The following CRACR2A variants were observed in gnomAD, a reference collection of about 807,000 sequenced individuals.
The protein encoded by CRACR2A is calcium release activated channel regulator 2A, also known as EF-hand calcium-binding domain-containing protein 4B.
A neutral mutation model predicts 90.5 loss-of-function variants in CRACR2A; 79 were observed. The ratio of observed to expected loss-of-function variants is 0.87; its 90% CI spans 0.73 to 1.05. The LOEUF (loss-of-function observed/expected upper bound fraction) is 1.05. Ranked by LOEUF, CRACR2A falls within the 50% of genes least tolerant of loss-of-function variation. The pLI, the probability that CRACR2A is intolerant of heterozygous loss-of-function variation, is 0.00. For synonymous variants in CRACR2A, 338 were observed against 356.7 expected, an observed-to-expected ratio of 0.95 and a Z score of 0.59; for missense variants, 823 against 897.2, an observed-to-expected ratio of 0.92 and a Z score of 1.06.
chr12:3,623,860 A>T (rs928052592), intron 17 of CRACR2A, among the ~76,000 whole-genome samples: 1 of 152,224 alleles, frequency 6.6e-6, no homozygotes, highest in Non-Finnish European at 1.5e-5. Flanking sequence ...CTCTTGCACC[A>T]AAGGATTTTG....
At chr12:3,665,882 C>T (rs1945125881) in intron 7 of CRACR2A, among the ~76,000 whole-genome samples, 2 of 152,184 alleles carry the variant, frequency 1.3e-5, no homozygotes, top group Admixed American at 6.5e-5. Context: ...AAAATATTTT[C>T]GACTGAAGTT....
rs74055951 is a variant in CRACR2A, at chr12:3,648,455, G to C, written c.1118+87C>G. On this transcript the variant is annotated intron_variant, in intron 11 of 19. Transcript: ENST00000440314. ...CTCAGCAGGCACGTTTTTCCAGCAC[G>C]TAGGCAAGGATGACCCTCAGACTGG... 11 of 1,604,024 alleles carry C rather than the reference G, an allele frequency of 6.9e-6. No homozygotes were observed. The African/African-American group carries it at 1.2e-4, about 18-fold the overall frequency.
chr12:3,723,073 C>T lies in CRACR2A; in HGVS notation c.-117-9756G>A, dbSNP rs150874024. Among the ~76,000 whole-genome samples, 161 of 152,346 alleles carry T rather than the reference C, an allele frequency of 1.1e-3. 2 individuals carry two copies. The highest frequency in any genetic ancestry group is 3.5e-3 in the African/African-American group (145 of 41,580). On this transcript the variant is annotated intron_variant, in intron 2 of 19. Coordinates refer to ENST00000440314, the MANE Select transcript of CRACR2A (RefSeq NM_001144958.2). ...TCCTTAGCATTTATGACCATTGTAA[C>T]TAAACAATTCCTGGTGTAACTAGTG...
At chr12:3,747,051 C>T (rs1946637632) in intron 1 of CRACR2A, among the ~76,000 whole-genome samples, 1 of 152,154 alleles carries the variant, frequency 6.6e-6, no homozygotes, top group African/African-American at 2.4e-5. Flanking sequence ...GAGGCTAATC[C>T]CAAAGACATA....
At chr12:3,683,532 T>C (rs1945494529) in intron 4 of CRACR2A, among the ~76,000 whole-genome samples, 1 of 152,204 alleles carries the variant, frequency 6.6e-6, no homozygotes, top group South Asian at 2.1e-4. Context: ...TCACTCTTTC[T>C]TCACTCTCAG....
At chr12:3,638,063 CA>C (rs1177806948) in intron 14 of CRACR2A, 60 bp downstream of exon 14, 26 of 1,458,756 alleles carry the variant, frequency 1.8e-5, no homozygotes, top group Non-Finnish European at 2.2e-5. Flanking sequence ...CGCTTGGCCT[CA>C]AATGCAAGAG....
chr12:3,646,749 G>A (rs1360480771), intron 11 of CRACR2A, among the ~76,000 whole-genome samples: 1 of 152,192 alleles, frequency 6.6e-6, no homozygotes, highest in Non-Finnish European at 1.5e-5. Context: ...GGGAGACCTG[G>A]AAAGTCCCAC....
At chr12:3,713,121 C>A (rs1444257044) in intron 3 of CRACR2A, 116 bp downstream of exon 3, 2 of 322,002 alleles carry the variant, frequency 6.2e-6, no homozygotes, top group African/African-American at 4.5e-5. Context: ...TGCTGATCCT[C>A]ATGAATATTA....
rs548626753 is a variant in CRACR2A at position 3,618,707 on chromosome 12, C to G, written c.2034+564G>C. Among the ~76,000 whole-genome samples the G allele has an allele frequency of 5.9e-5, 9 of 152,308 alleles. No individual in the cohort carries two copies. The South Asian group carries it at 1.0e-3, about 18-fold the overall frequency. ...ACAAACTCTGAGGCAGTAAAAGAAGCCAAGGAACCACATTTTGTTGCCTGA... is the reference window on the plus strand; with the variant it reads ...ACAAACTCTGAGGCAGTAAAAGAAGGCAAGGAACCACATTTTGTTGCCTGA... On this transcript the variant is annotated intron_variant, in intron 18 of 19. Coordinates refer to ENST00000440314, the MANE Select transcript of CRACR2A (RefSeq NM_001144958.2).
chr12:3,651,392 G>A (rs1039366135), intron 10 of CRACR2A, among the ~76,000 whole-genome samples: 3 of 152,232 alleles, frequency 2.0e-5, no homozygotes, highest in African/African-American at 7.2e-5. Flanking sequence ...ACTGCAGATC[G>A]GGGCTATGTG....
At chr12:3,701,788 T>C (rs887521087) in intron 3 of CRACR2A, among the ~76,000 whole-genome samples, 3 of 152,124 alleles carry the variant, frequency 2.0e-5, no homozygotes, top group Non-Finnish European at 2.9e-5. Context: ...TTCAGAAAAT[T>C]GAAGACTAGG....
intron 15 of CRACR2A, among the ~76,000 whole-genome samples, chr12:3,629,017 C>T (rs149518421): frequency 3.1e-4 from 47 of 152,266 alleles, no homozygotes; most frequent in African/African-American, 1.0e-3. Flanking sequence ...CAATCGTCTG[C>T]GCTGAGAAAG....
chr12:3,643,822 TTATA>T (rs1944623290), intron 12 of CRACR2A, among the ~76,000 whole-genome samples: 2 of 111,014 alleles, frequency 1.8e-5, no homozygotes, highest in Non-Finnish European at 3.5e-5. Context: ...TATATTTATA[TTATA>T]TATAAATATA....
At chr12:3,736,424 T>C (rs757764818) in intron 1 of CRACR2A, among the ~76,000 whole-genome samples, 2 of 152,152 alleles carry the variant, frequency 1.3e-5, no homozygotes, top group Non-Finnish European at 2.9e-5. Flanking sequence ...AGAGAATTAG[T>C]TCCACTTGGA....
chr12:3,646,947 A>C (rs1010488265), intron 11 of CRACR2A, among the ~76,000 whole-genome samples: 1 of 152,208 alleles, frequency 6.6e-6, no homozygotes, highest in East Asian at 1.9e-4. Flanking sequence ...TCAGCTAGGC[A>C]TGGGAAAATT....
At chr12:3,695,465 A>G (rs1331492674) in intron 4 of CRACR2A, among the ~76,000 whole-genome samples, 1 of 152,146 alleles carries the variant, frequency 6.6e-6, no homozygotes, top group Non-Finnish European at 1.5e-5. Context: ...CAATTTGTGC[A>G]ACAGTTAGAG....
intron 4 of CRACR2A, among the ~76,000 whole-genome samples, chr12:3,685,653 C>A (rs1432398538): frequency 6.6e-6 from 1 of 152,128 alleles, no homozygotes; most frequent in Non-Finnish European, 1.5e-5. Context: ...TTATATAAGT[C>A]CACCTATATA....
At chr12:3,616,119 G>C (rs1565458132) in intron 19 of CRACR2A, among the ~76,000 whole-genome samples, 1 of 152,270 alleles carries the variant, frequency 6.6e-6, no homozygotes, top group East Asian at 1.9e-4. Context: ...CAGAGAGGCA[G>C]GGCATTTGCC....
At chr12:3,729,897 C>T (rs1946333666) in intron 2 of CRACR2A, 1 of 152,190 alleles carries the variant, frequency 6.6e-6, no homozygotes, top group Non-Finnish European at 1.5e-5. Context: ...GGGGGGTCTG[C>T]TGAGAGAATC....
Sources: gnomAD v4.1 joint callset for allele counts (sites outside exome capture counted in the v4.1 genomes callset) on GRCh38, gnomAD v4.1.1 for gene constraint, MANE v1.5 for transcripts, NCBI Gene and HGNC (gene_info 2026-07-23, HGNC 2026-07-21) for gene names.